DST: variants seen among roughly 807,000 people sequenced by gnomAD.
DST encodes dystonin, also known as bullous pemphigoid antigen.
A neutral mutation model predicts 875.2 loss-of-function variants in DST; 253 were observed. That is an observed-to-expected ratio of 0.29 (90% confidence interval 0.26 to 0.32). The LOEUF (loss-of-function observed/expected upper bound fraction) is 0.32, where lower values mean the gene tolerates loss of function less well. Ranked by LOEUF, DST falls within the 10% of genes least tolerant of loss-of-function variation. The probability of loss-of-function intolerance (pLI) is 1.00; values close to 1 mark genes in which losing one functional copy is unlikely to be tolerated. For missense variants in DST, 8,287 were observed against 9,111.6 expected (o/e 0.91, Z 3.68); for synonymous variants, 3,124 against 3,197.1 (o/e 0.98, Z 0.77).
At chr6:56,648,445 G>A (rs2098956704) in intron 13 of DST, 125 bp downstream of exon 13, 4 of 728,180 alleles carry the variant, frequency 5.5e-6, no homozygotes, top group Non-Finnish European at 8.5e-6. Flanking sequence ...TACAAATTTT[G>A]CCTACTTATT....
intron 61 of DST, among the ~76,000 whole-genome samples, chr6:56,538,691 A>AAACTCAAACTACC (rs1224693840): frequency 2.0e-5 from 3 of 152,174 alleles, no homozygotes; most frequent in Non-Finnish European, 4.4e-5. Flanking sequence ...TCCTAGCTAA[A>AAACTCAAACTACC]AACTCAAACT....
At chr6:56,577,166 TTA>T (rs1424923915) in intron 50 of DST, among the ~76,000 whole-genome samples, 3 of 152,186 alleles carry the variant, frequency 2.0e-5, no homozygotes, top group African/African-American at 7.2e-5. Context: ...GCCAGAAGTT[TTA>T]GTTTTAAAAT....
At chr6:56,806,499 T>C (rs1412066717) in intron 4 of DST, among the ~76,000 whole-genome samples, 4 of 152,142 alleles carry the variant, frequency 2.6e-5, no homozygotes, top group Non-Finnish European at 5.9e-5. Flanking sequence ...AAAGGAAGAA[T>C]GTGTAAACAG....
chr6:56,767,614 CAAATAAATAAAT>C (rs148013834), intron 4 of DST, among the ~76,000 whole-genome samples: 2,307 of 142,436 alleles, frequency 0.016, 49 homozygotes, highest in African/African-American at 0.048. Flanking sequence ...GACCCTGTCT[CAAATAAATAAAT>C]AAATAAATAA....
intron 35 of DST, 146 bp from the exon 36 acceptor site, chr6:56,624,774 A>T: frequency 1.5e-6 from 1 of 670,478 alleles, no homozygotes; most frequent in Non-Finnish European, 2.7e-6. Context: ...GAATGAGCTT[A>T]TTATTACTAT....
intron 4 of DST, among the ~76,000 whole-genome samples, chr6:56,839,291 T>C (rs1463160646): frequency 6.6e-6 from 1 of 152,242 alleles, no homozygotes; most frequent in Non-Finnish European, 1.5e-5. Context: ...TTAGGACTTC[T>C]CAGTACCTAA....
chr6:56,516,151 GAGAAAGAGAGAAAGAGAAAGAGAA>G (rs2096585056), intron 71 of DST, among the ~76,000 whole-genome samples: 1 of 140,974 alleles, frequency 7.1e-6, no homozygotes, highest in Non-Finnish European at 1.6e-5. Flanking sequence ...GAGAGAGAAA[GAGAAAGAGAGAAAGAGAAAGAGAA>G]AGAAAGAGAA....
rs1398606730 is a variant in DST at position 56,610,466 on chromosome 6, T to C, written c.5244A>G (p.Gln1748=). The C allele has an allele frequency of 7.0e-6, 11 of 1,568,130 alleles. No individual in the cohort carries two copies. The highest frequency in any genetic ancestry group is 9.5e-6 in the Non-Finnish European group (11 of 1,154,766). Residue 1748 remains glutamine (Q), a synonymous_variant, in exon 39 of 104, where the codon CAA becomes CAG. Transcript: ENST00000680361. Reference sequence around the variant, plus strand: ...TTACATCTCCTGAGGTTTGTGATTCTTGTAGCTGTTTCAGAGATTCACTGA... The same window carrying C: ...TTACATCTCCTGAGGTTTGTGATTCCTGTAGCTGTTTCAGAGATTCACTGA... The part of the protein sequence containing the change: ...LLFSESLKQL[Q]ESQTSGDVKV...
At chr6:56,517,142 T>G in intron 71 of DST, 56 bp downstream of exon 71, 1 of 1,270,036 alleles carries the variant, frequency 7.9e-7, no homozygotes, top group South Asian at 1.2e-5. Flanking sequence ...GACTGAAAGC[T>G]CAACACCTGC....
chr6:56,628,821 T>C (rs1030140697), intron 32 of DST, among the ~76,000 whole-genome samples: 1 of 152,230 alleles, frequency 6.6e-6, no homozygotes, highest in African/African-American at 2.4e-5. Context: ...ATTTTGACTT[T>C]CTTGTATCTT....
rs935528984 is a variant in DST at position 56,863,558 on chromosome 6, G to C, written c.418-11954C>G. Among the ~76,000 whole-genome samples, 3 of 152,146 alleles carry C rather than the reference G, an allele frequency of 2.0e-5. No individual in the cohort carries two copies. In the South Asian group the frequency reaches 6.2e-4, roughly 32 times the overall value. Reference sequence around the variant, plus strand: ...TAGTCATCATGTACACTTAGGATCTGTGTGAATTCCAATCCCCTGACCTTC... The same window carrying C: ...TAGTCATCATGTACACTTAGGATCTCTGTGAATTCCAATCCCCTGACCTTC... On this transcript the variant is annotated intron_variant, in intron 3 of 103. Coordinates refer to ENST00000680361, the MANE Select transcript of DST (RefSeq NM_001374736.1).
At position 56,639,664 on chromosome 6, in the gene DST, G is replaced by A. The variant is rs557761205; in HGVS notation, c.2697+32C>T. 6.4e-5 allele frequency: 104 copies of A among 1,612,636 alleles called. 3 individuals are homozygous for A. In the South Asian group the frequency reaches 1.1e-3, roughly 16 times the overall value. On this transcript the variant is annotated intron_variant, in intron 20 of 103. Transcript: ENST00000680361. ...TCATGTTTTTGCCAAATATAGATAA[G>A]GGAAACAGAAGGTTTAAAAAAAAAA...
intron 85 of DST, 34 bp from the exon 86 acceptor site, chr6:56,489,643 T>C (rs1390630791): frequency 6.3e-7 from 1 of 1,593,214 alleles, no homozygotes; most frequent in Admixed American, 1.7e-5. Flanking sequence ...TCTGAAAATT[T>C]TTCAAGCATA....
chr6:56,565,105 CTCTTT>C (rs1349824243), intron 55 of DST, among the ~76,000 whole-genome samples: 2 of 148,522 alleles, frequency 1.3e-5, no homozygotes, highest in Non-Finnish European at 3.0e-5. Context: ...GTCCCTCTTT[CTCTTT>C]TCTTTTTTTT....
chr6:56,730,964 T>C (rs1395741553), intron 5 of DST, among the ~76,000 whole-genome samples: 1 of 152,208 alleles, frequency 6.6e-6, no homozygotes, highest in Admixed American at 6.5e-5. Context: ...AATTAGCCGA[T>C]TTGCTTTAAA....
intron 54 of DST, 82 bp downstream of exon 54, chr6:56,569,774 G>T: frequency 7.7e-7 from 1 of 1,299,956 alleles, no homozygotes; most frequent in Non-Finnish European, 1.1e-6. Flanking sequence ...GATGATATTA[G>T]ATCAAAGAAA....
At chr6:56,459,360 T>C (rs2094203960) in intron 103 of DST, 93 bp from the exon 104 acceptor site, 1 of 1,373,494 alleles carries the variant, frequency 7.3e-7, no homozygotes, top group East Asian at 2.5e-5. Flanking sequence ...TCTTAACTTT[T>C]TTTCCTGGTG....
chr6:56,558,354 G>A (rs2097465175), intron 58 of DST, among the ~76,000 whole-genome samples: 1 of 151,992 alleles, frequency 6.6e-6, no homozygotes, highest in African/African-American at 2.4e-5. Flanking sequence ...GTTTTACCTT[G>A]ACCAGTAGTT....
intron 2 of DST, among the ~76,000 whole-genome samples, chr6:56,918,529 G>A (rs1292187518): frequency 2.6e-5 from 4 of 152,044 alleles, no homozygotes; most frequent in Non-Finnish European, 5.9e-5. Context: ...TATAAACAGT[G>A]GAATAAACAA....
Sources: gnomAD v4.1 joint callset for allele counts (sites outside exome capture counted in the v4.1 genomes callset) on GRCh38, gnomAD v4.1.1 for gene constraint, MANE v1.5 for transcripts, NCBI Gene and HGNC (gene_info 2026-07-23, HGNC 2026-07-21) for gene names.